Variants in EXOC4 observed in about 807,000 individuals in gnomAD.
EXOC4 encodes exocyst complex component 4, also known as SEC8-like 1.
A neutral mutation model predicts 107.2 loss-of-function variants in EXOC4; 71 were observed. That is an observed-to-expected ratio of 0.66 (90% confidence interval 0.55 to 0.81). The LOEUF is 0.81. EXOC4 is among the 30% of genes least tolerant of loss of function. EXOC4 has a pLI of 0.00. For synonymous variants in EXOC4, 456 were observed against 441.2 expected (o/e 1.03, Z -0.42); for missense variants, 1,108 against 1,189.6 (o/e 0.93, Z 1.01).
intron 7 of EXOC4, among the ~76,000 whole-genome samples, chr7:133,456,697 G>A (rs1714866760): frequency 6.6e-6 from 1 of 152,170 alleles, no homozygotes; most frequent in African/African-American, 2.4e-5. Flanking sequence ...TGCCAGTATG[G>A]AATCAGGTAT....
intron 12 of EXOC4, among the ~76,000 whole-genome samples, chr7:133,911,958 T>A (rs1483502972): frequency 6.6e-6 from 1 of 152,160 alleles, no homozygotes; most frequent in African/African-American, 2.4e-5. Flanking sequence ...AATGGTGAAA[T>A]CTCCCACAGC....
chr7:133,773,242 A>G (rs1338733889), intron 10 of EXOC4, among the ~76,000 whole-genome samples: 1 of 151,962 alleles, frequency 6.6e-6, no homozygotes, highest in African/African-American at 2.4e-5. Flanking sequence ...CTGAAATTCA[A>G]GCTTTTTCAA....
intron 14 of EXOC4, among the ~76,000 whole-genome samples, chr7:133,978,603 G>C (rs1793897992): frequency 6.6e-6 from 1 of 152,210 alleles, no homozygotes; most frequent in African/African-American, 2.4e-5. Flanking sequence ...ATTGCTGAAA[G>C]GGCTTAGACA....
intron 10 of EXOC4, among the ~76,000 whole-genome samples, chr7:133,642,370 A>G (rs566663544): frequency 6.6e-6 from 1 of 152,274 alleles, no homozygotes; most frequent in Admixed American, 6.5e-5. Context: ...GTAGAGGCAC[A>G]GCTCTTTTCA....
intron 7 of EXOC4, among the ~76,000 whole-genome samples, chr7:133,469,068 AG>A (rs1798805337): frequency 6.6e-6 from 1 of 152,196 alleles, no homozygotes; most frequent in African/African-American, 2.4e-5. Flanking sequence ...GACTCATCAA[AG>A]AGGACCAATA....
At chr7:133,430,198 C>T (rs1368370398) in intron 7 of EXOC4, among the ~76,000 whole-genome samples, 2 of 152,174 alleles carry the variant, frequency 1.3e-5, no homozygotes, top group Non-Finnish European at 2.9e-5. Context: ...CATCTCCAAC[C>T]GTCCCCAGCT....
intron 10 of EXOC4, among the ~76,000 whole-genome samples, chr7:133,808,011 T>G (rs957850629): frequency 1.3e-5 from 2 of 152,166 alleles, no homozygotes; most frequent in African/African-American, 2.4e-5. Context: ...TTTAATGATT[T>G]TTACCTCTTT....
chr7:133,776,010 A>C (rs1192546756), intron 10 of EXOC4, among the ~76,000 whole-genome samples: 2 of 152,170 alleles, frequency 1.3e-5, no homozygotes, highest in South Asian at 4.1e-4. Context: ...TTTATTGGGC[A>C]TTATTGGGCA....
At chr7:133,821,302 C>T (rs1797515037) in intron 11 of EXOC4, among the ~76,000 whole-genome samples, 1 of 152,078 alleles carries the variant, frequency 6.6e-6, no homozygotes, top group Admixed American at 6.6e-5. Context: ...AAATAACTTG[C>T]CCACAGTCAC....
At chr7:133,943,732 T>C (rs758551090) in intron 14 of EXOC4, among the ~76,000 whole-genome samples, 6 of 152,066 alleles carry the variant, frequency 3.9e-5, no homozygotes, top group South Asian at 2.1e-4. Flanking sequence ...AGATGACTTA[T>C]TTTGCAATTT....
At chr7:134,054,982 G>C (rs1453139377) in intron 17 of EXOC4, among the ~76,000 whole-genome samples, 1 of 152,150 alleles carries the variant, frequency 6.6e-6, no homozygotes, top group Non-Finnish European at 1.5e-5. Context: ...CCATTTTGTA[G>C]CTTTGGTTTA....
chr7:133,346,143 T>G (rs1282930682), intron 5 of EXOC4, among the ~76,000 whole-genome samples: 1 of 152,222 alleles, frequency 6.6e-6, no homozygotes, highest in Non-Finnish European at 1.5e-5. Flanking sequence ...TACACAGAGA[T>G]AAGACATGAG....
In EXOC4 at chr7:133,462,246, T is replaced by A. The variant is rs1375922891; in HGVS notation, c.1183-13082T>A. Among the ~76,000 whole-genome samples the A allele has an allele frequency of 2.6e-5, 4 of 152,190 alleles. No individual in the cohort carries two copies. The East Asian group carries it at 7.7e-4, about 29-fold the overall frequency. On this transcript the variant is annotated intron_variant, in intron 7 of 17. Transcript: ENST00000253861. ...ACCAGAAAAAACACACGGCATCTTT[T>A]AGAGATATATGCTACTCACAGGTTC... is the stretch of plus-strand genomic sequence containing the variant.
At chr7:133,429,949 T>C (rs1404282832) in intron 7 of EXOC4, among the ~76,000 whole-genome samples, 1 of 152,216 alleles carries the variant, frequency 6.6e-6, no homozygotes, top group Non-Finnish European at 1.5e-5. Context: ...CAAACGCTTT[T>C]GGGCTCCAGC....
At position 133,741,261 on chromosome 7, in the gene EXOC4, T is replaced by G. The variant is rs536987840; in HGVS notation, c.1515-76064T>G. On this transcript the variant is annotated intron_variant, in intron 10 of 17. Transcript: ENST00000253861. Reference sequence around the variant, plus strand: ...GCCTCTAAACACAGGTCTGTTCTTATTCATACCAGCTTGTCTCTCCCCACC... The same window carrying G: ...GCCTCTAAACACAGGTCTGTTCTTAGTCATACCAGCTTGTCTCTCCCCACC... Among the ~76,000 whole-genome samples the G allele has an allele frequency of 1.1e-4, 16 of 152,294 alleles. No homozygotes were observed. The East Asian group carries it at 2.3e-3, about 22-fold the overall frequency.
chr7:133,354,467 G>A (rs1338853941), intron 5 of EXOC4, among the ~76,000 whole-genome samples: 2 of 152,136 alleles, frequency 1.3e-5, no homozygotes, highest in Admixed American at 1.3e-4. Context: ...ACATGCATTT[G>A]TTTTTGAATG....
intron 5 of EXOC4, among the ~76,000 whole-genome samples, chr7:133,346,598 C>T (rs1795788760): frequency 6.6e-6 from 1 of 152,056 alleles, no homozygotes; most frequent in South Asian, 2.1e-4. Context: ...TCAGTATTCT[C>T]AGGCCAGGTT....
At chr7:133,725,839 C>T (rs926459888) in intron 10 of EXOC4, among the ~76,000 whole-genome samples, 2 of 152,076 alleles carry the variant, frequency 1.3e-5, no homozygotes, top group South Asian at 2.1e-4. Flanking sequence ...ATGAGAGGTG[C>T]GATGACCAGG....
At chr7:133,584,101 T>G (rs991366850) in intron 9 of EXOC4, among the ~76,000 whole-genome samples, 13 of 152,188 alleles carry the variant, frequency 8.5e-5, no homozygotes, top group Admixed American at 1.3e-4. Context: ...GAACAAGAGC[T>G]CAGATTTGGA....
Sources: gnomAD v4.1 joint callset for allele counts (sites outside exome capture counted in the v4.1 genomes callset) on GRCh38, gnomAD v4.1.1 for gene constraint, MANE v1.5 for transcripts, NCBI Gene and HGNC (gene_info 2026-07-23, HGNC 2026-07-21) for gene names.